PDE10A: variants seen among roughly 807,000 people sequenced by gnomAD.
PDE10A encodes the protein phosphodiesterase 10A, also known as cAMP and cAMP-inhibited cGMP 3',5'-cyclic phosphodiesterase 10A.
Under a neutral mutation model 97.7 loss-of-function variants are expected in PDE10A, and 39 were observed. The observed-to-expected ratio is 0.40, with a 90% CI of 0.31 to 0.52. The LOEUF is 0.52. Ranked by LOEUF, PDE10A falls within the 20% of genes least tolerant of loss-of-function variation. The pLI is 0.56. For missense variants in PDE10A, 731 were observed against 1,047.8 expected, an observed-to-expected ratio of 0.70 and a Z score of 4.17; for synonymous variants, 371 against 376.8, an observed-to-expected ratio of 0.98 and a Z score of 0.18.
chr6:165,455,117 G>A (rs1226065903), intron 3 of PDE10A, among the ~76,000 whole-genome samples: 1 of 152,066 alleles, frequency 6.6e-6, no homozygotes. Context: ...ACTACTGGAC[G>A]TCAGCTCCAC....
At chr6:165,508,242 A>T (rs6921805) in intron 2 of PDE10A, among the ~76,000 whole-genome samples, 7,171 of 152,102 alleles carry the variant, frequency 0.047, 531 homozygotes, top group African/African-American at 0.16. Context: ...ATCCCAAGCA[A>T]CCATTGATCT....
chr6:165,949,622 A>G (rs1327865772), intron 1 of PDE10A: 1 of 152,210 alleles, frequency 6.6e-6, no homozygotes, highest in Non-Finnish European at 1.5e-5. Context: ...ATGAAGAACT[A>G]CTTGAAAATA....
At chr6:165,723,359 T>C (rs1792212008) in intron 1 of PDE10A, among the ~76,000 whole-genome samples, 1 of 152,250 alleles carries the variant, frequency 6.6e-6, no homozygotes, top group Admixed American at 6.5e-5. Flanking sequence ...CTCTGTTGAC[T>C]GGGAAGAGTG....
Position 165,711,630 on chromosome 6 carries a change from A to G in PDE10A, c.-614-168062T>C, listed in dbSNP as rs1468118947. ...TGTGTGTCTTGGTAGGGTCAATGAG[A>G]TGAAGGTAAGAGAAGAAACGAAGAT... On this transcript the variant is annotated intron_variant, in intron 1 of 19. Coordinates refer to the PDE10A transcript ENST00000366882. This position sits in a 1 kb window ranked among gnomAD's most constrained non-coding sequence, Gnocchi z 4.5. 6.6e-6 allele frequency among the ~76,000 whole-genome samples: 1 copy of G among 152,146 alleles called. No homozygotes were observed. The highest frequency in any genetic ancestry group is 6.5e-5 in the Admixed American group (1 of 15,274).
intron 1 of PDE10A, among the ~76,000 whole-genome samples, chr6:165,557,053 C>T (rs1339550856): frequency 3.9e-5 from 6 of 152,086 alleles, no homozygotes; most frequent in African/African-American, 1.2e-4. Flanking sequence ...GCAGAAGAAT[C>T]GCTTGAACCC....
intron 2 of PDE10A, among the ~76,000 whole-genome samples, chr6:165,483,161 GCTGT>G (rs1234228685): frequency 6.6e-6 from 1 of 152,158 alleles, no homozygotes; most frequent in Admixed American, 6.5e-5. Flanking sequence ...CAGGCTCCTT[GCTGT>G]CTTTTTCCTG....
chr6:165,946,707 A>G (rs907004051), intron 1 of PDE10A: 6 of 152,172 alleles, frequency 3.9e-5, no homozygotes, highest in African/African-American at 1.4e-4. Flanking sequence ...CTACCTGGCT[A>G]TTTAAAAAAC....
At chr6:165,659,724 T>C (rs560493127) in intron 1 of PDE10A, among the ~76,000 whole-genome samples, 2 of 152,352 alleles carry the variant, frequency 1.3e-5, no homozygotes, top group Non-Finnish European at 2.9e-5. Context: ...GTCTGGTTTC[T>C]CTGATGCACC....
In PDE10A at chr6:165,433,097, T is replaced by C; in HGVS notation, c.1368A>G (p.Glu456=). ...DERFPRGTGL[E]SGTRIQSVLC... ...GAACAGACTGGATACGAGTCCCTGA[T>C]TCCAGTCCAGTACCTCTTGGAAATC... The change falls in exon 7 of 22, where the codon GAA becomes GAG. Residue 456 remains glutamate, a synonymous_variant. Coordinates refer to ENST00000539869, the MANE Select transcript of PDE10A (RefSeq NM_001385079.1). The C allele has an allele frequency of 6.2e-7, 1 of 1,613,028 alleles. No individual in the cohort carries two copies. The highest frequency in any genetic ancestry group is 8.5e-7 in the Non-Finnish European group (1 of 1,179,124).
At chr6:165,957,016 G>T (rs1224241202) in intron 1 of PDE10A, among the ~76,000 whole-genome samples, 2 of 152,172 alleles carry the variant, frequency 1.3e-5, no homozygotes, top group Non-Finnish European at 2.9e-5. Flanking sequence ...ACAGCTGCTG[G>T]CCAGGCTTCA....
chr6:165,594,780 C>T (rs1786487034), intron 1 of PDE10A, among the ~76,000 whole-genome samples: 1 of 152,188 alleles, frequency 6.6e-6, no homozygotes, highest in African/African-American at 2.4e-5. Flanking sequence ...CAGACTCCAT[C>T]TGAACCTAGT....
chr6:165,379,087 A>T, intron 18 of PDE10A, 107 bp downstream of exon 18: 12 of 687,396 alleles, frequency 1.7e-5, no homozygotes, highest in Non-Finnish European at 2.9e-5. Context: ...TAAATTTTTT[A>T]CATTCCTTCT....
At chr6:165,913,660 AAC>A (rs1374212928) in intron 1 of PDE10A, among the ~76,000 whole-genome samples, 1 of 152,188 alleles carries the variant, frequency 6.6e-6, no homozygotes, top group African/African-American at 2.4e-5. Context: ...TGAACGTGGA[AAC>A]ACACATGGGG....
At chr6:165,798,716 C>T in intron 1 of PDE10A, among the ~76,000 whole-genome samples, 1 of 151,960 alleles carries the variant, frequency 6.6e-6, no homozygotes, top group East Asian at 1.9e-4. Flanking sequence ...CAATCACACA[C>T]ACACACACAC....
chr6:165,391,879 C>G (rs1424518724), intron 16 of PDE10A, among the ~76,000 whole-genome samples: 2 of 152,182 alleles, frequency 1.3e-5, no homozygotes, highest in Non-Finnish European at 2.9e-5. Context: ...ACAAAGATGA[C>G]AGCTCCTTTC....
chr6:165,486,460 T>A (rs1391587365), intron 2 of PDE10A, among the ~76,000 whole-genome samples: 1 of 152,234 alleles, frequency 6.6e-6, no homozygotes, highest in Non-Finnish European at 1.5e-5. Flanking sequence ...TTAGGTCGCT[T>A]CTGAATGTGA....
chr6:165,344,836 C>A (rs1562367141), intron 18 of PDE10A, among the ~76,000 whole-genome samples: 1 of 152,162 alleles, frequency 6.6e-6, no homozygotes, highest in African/African-American at 2.4e-5. Context: ...TAGACTAAAT[C>A]ACTTTACAAA....
At chr6:165,772,382 T>G (rs1406632482) in intron 1 of PDE10A, among the ~76,000 whole-genome samples, 2 of 152,234 alleles carry the variant, frequency 1.3e-5, no homozygotes, top group Non-Finnish European at 2.9e-5. Flanking sequence ...GGAGAAATCC[T>G]GACACTTTCC....
In PDE10A at chr6:165,536,044, T is replaced by A. The variant is rs536576090; in HGVS notation, c.994+7396A>T. Among the ~76,000 whole-genome samples the A allele has an allele frequency of 2.4e-3, 366 of 152,156 alleles. 1 individual carries two copies. Among genetic ancestry groups the A allele is most frequent in the African/African-American group, 8.3e-3 (345 of 41,558 alleles). ...AGCAAAAGGAACAAAGCTGGTGACA[T>A]CACATTACCTGGTTTCAAATTACAA... On this transcript the variant is annotated intron_variant, in intron 2 of 21. Transcript: ENST00000539869.
Sources: gnomAD v4.1 joint callset for allele counts (sites outside exome capture counted in the v4.1 genomes callset) on GRCh38, gnomAD v4.1.1 for gene constraint, Gnocchi (gnomAD v3.1) non-coding constraint, MANE v1.5 for transcripts, NCBI Gene and HGNC (gene_info 2026-07-23, HGNC 2026-07-21) for gene names.